Variants in KCMF1 observed in about 807,000 individuals in gnomAD.
KCMF1 encodes the protein potassium channel modulatory factor 1, also known as E3 ubiquitin-protein ligase KCMF1.
A neutral mutation model predicts 41.1 loss-of-function variants in KCMF1; 3 were observed. The observed-to-expected ratio is 0.07, with a 90% CI of 0.03 to 0.19. The LOEUF (loss-of-function observed/expected upper bound fraction) is 0.19, where lower values mean the gene tolerates loss of function less well. Ranked by LOEUF, KCMF1 falls within the 10% of genes least tolerant of loss-of-function variation. The pLI is 1.00. For missense variants in KCMF1, 286 were observed against 488.9 expected (o/e 0.58, Z 3.91); for synonymous variants, 142 against 164.5 (o/e 0.86, Z 1.04).
chr2:85,000,140 TATTG>T (rs1409829769), intron 1 of KCMF1, among the ~76,000 whole-genome samples: 2 of 152,128 alleles, frequency 1.3e-5, no homozygotes, highest in Non-Finnish European at 2.9e-5. Context: ...ACTAAGACGA[TATTG>T]ATTTTTTTTG....
At chr2:84,971,627 G>C (rs1235934007) in intron 1 of KCMF1, among the ~76,000 whole-genome samples, 160 bp downstream of exon 1, 1 of 150,710 alleles carries the variant, frequency 6.6e-6, no homozygotes, top group African/African-American at 2.4e-5. Context: ...AGGGCGGAGA[G>C]CCGCGGCGCC....
chr2:85,003,221 C>G (rs1225390724), intron 1 of KCMF1, among the ~76,000 whole-genome samples: 1 of 152,140 alleles, frequency 6.6e-6, no homozygotes, highest in Non-Finnish European at 1.5e-5. Context: ...CGCCTGTAAT[C>G]CCAGCACTTT....
At chr2:84,974,691 ATTTTTTTT>A (rs869056943) in intron 1 of KCMF1, among the ~76,000 whole-genome samples, 9 of 14,680 alleles carry the variant, frequency 6.1e-4, no homozygotes, top group East Asian at 2.2e-3. Context: ...ATATATATAT[ATTTTTTTT>A]TTTTTTTTTT....
Position 85,038,677 on chromosome 2 carries a change from GGCTTT to G in KCMF1, c.324+3523_324+3527del, listed in dbSNP as rs551014044. Among the ~76,000 whole-genome samples the G allele has an allele frequency of 3.3e-5, 5 of 151,942 alleles. No individual in the cohort carries two copies. In the South Asian group the frequency reaches 1.0e-3, roughly 32 times the overall value. On this transcript the variant is annotated intron_variant, in intron 3 of 6. Transcript: ENST00000409785. ...TATGTGTCAACAGGTTTTGTATGAT[GGCTTT>G]AAATTTAGATGGCTCTTTTTGGGTC...
intron 1 of KCMF1, among the ~76,000 whole-genome samples, chr2:85,009,694 G>C (rs1434868851): frequency 6.6e-6 from 1 of 152,016 alleles, no homozygotes; most frequent in East Asian, 1.9e-4. Context: ...TTCTGGAAAT[G>C]ATATACTTAC....
intron 1 of KCMF1, among the ~76,000 whole-genome samples, chr2:84,997,328 G>C (rs990847489): frequency 6.6e-6 from 1 of 151,846 alleles, no homozygotes; most frequent in African/African-American, 2.4e-5. Flanking sequence ...TAGTGTCTTG[G>C]TTCCCCAAAA....
intron 3 of KCMF1, among the ~76,000 whole-genome samples, chr2:85,037,418 A>G (rs1490263228): frequency 6.6e-6 from 1 of 152,212 alleles, no homozygotes; most frequent in African/African-American, 2.4e-5. Context: ...CAAGTGTAGC[A>G]TGCTGACTAG....
intron 4 of KCMF1, among the ~76,000 whole-genome samples, chr2:85,045,459 G>A (rs1675641301): frequency 6.6e-6 from 1 of 152,014 alleles, no homozygotes; most frequent in Non-Finnish European, 1.5e-5. Flanking sequence ...AAATTAATCT[G>A]CATTATAAAG....
chr2:85,035,085 A>G lies in KCMF1; in HGVS notation c.254A>G (p.Lys85Arg), dbSNP rs1479557286. Residue 85 changes from lysine to arginine, a missense_variant, in exon 3 of 7, where the codon AAA (lysine) becomes AGA (arginine). By Grantham distance (26) the Lys-to-Arg change is conservative. This residue lies in a region of KCMF1 where 95 missense variants were observed against 209.6 expected (regional missense o/e 0.45). Transcript: ENST00000409785. ...PQSFTCPYCG[K>R]MGYTETSLQE... ...TCTTTTACTTGTCCCTATTGTGGAA[A>G]AATGGGCTATACGGAGACATCTCTT... is the stretch of plus-strand genomic sequence containing the variant. 4 of 1,613,470 alleles carry G rather than the reference A, an allele frequency of 2.5e-6. No homozygotes were observed. Among genetic ancestry groups the G allele is most frequent in the Non-Finnish European group, 2.5e-6 (3 of 1,179,558 alleles).
intron 1 of KCMF1, 74 bp from the exon 2 acceptor site, chr2:85,027,815 C>G: frequency 1.1e-6 from 1 of 910,904 alleles, no homozygotes. Context: ...AAATGAGCAC[C>G]TGAAACATTC....
intron 1 of KCMF1, among the ~76,000 whole-genome samples, chr2:84,999,283 T>TG (rs1269981813): frequency 6.6e-6 from 1 of 152,064 alleles, no homozygotes; most frequent in Non-Finnish European, 1.5e-5. Flanking sequence ...CCCAAGTAGC[T>TG]GGGATTACAG....
At position 84,989,038 on chromosome 2, in the gene KCMF1, A is replaced by G. The variant is rs181735292; in HGVS notation, c.16+17571A>G. Among the ~76,000 whole-genome samples the G allele has an allele frequency of 4.0e-4, 61 of 152,312 alleles. 1 individual carries two copies. The highest frequency in any genetic ancestry group is 1.3e-3 in the African/African-American group (52 of 41,576). ...CCTATCATTTAAAAATGTAAAAACC[A>G]TTCTTAGCAGGTTGTACAAAACCAG... On this transcript the variant is annotated intron_variant, in intron 1 of 6. Coordinates refer to ENST00000409785, the MANE Select transcript of KCMF1 (RefSeq NM_020122.5).
chr2:84,996,485 G>T (rs1674179094), intron 1 of KCMF1, among the ~76,000 whole-genome samples: 1 of 145,408 alleles, frequency 6.9e-6, no homozygotes, highest in Non-Finnish European at 1.5e-5. Context: ...ACCCAGGCTG[G>T]AGTGCAGTGG....
At chr2:84,998,301 G>A (rs2103986144) in intron 1 of KCMF1, among the ~76,000 whole-genome samples, 1 of 151,856 alleles carries the variant, frequency 6.6e-6, no homozygotes, top group East Asian at 1.9e-4. Context: ...CACCATGTTA[G>A]CCAGGCTGGT....
chr2:85,050,836 T>A (rs1291253498), intron 6 of KCMF1, among the ~76,000 whole-genome samples: 2 of 152,258 alleles, frequency 1.3e-5, no homozygotes, highest in Non-Finnish European at 2.9e-5. Flanking sequence ...GGTGCATGTG[T>A]ATAGTTATAA....
chr2:85,037,812 G>A (rs945125753), intron 3 of KCMF1, among the ~76,000 whole-genome samples: 5 of 152,118 alleles, frequency 3.3e-5, no homozygotes, highest in Non-Finnish European at 7.3e-5. Context: ...ACTAATACCC[G>A]TCCATGACCT....
At chr2:85,045,023 G>C (rs565317629) in intron 4 of KCMF1, among the ~76,000 whole-genome samples, 1 of 152,280 alleles carries the variant, frequency 6.6e-6, no homozygotes, top group African/African-American at 2.4e-5. Flanking sequence ...AAGGTGGGAG[G>C]ATCACTTGAG....
At chr2:85,007,101 CAA>C (rs764401140) in intron 1 of KCMF1, among the ~76,000 whole-genome samples, 8 of 51,902 alleles carry the variant, frequency 1.5e-4, no homozygotes, top group Non-Finnish European at 2.4e-4. Context: ...AACTCAGTCT[CAA>C]AAAAAAAAAA....
intron 1 of KCMF1, among the ~76,000 whole-genome samples, chr2:84,998,772 T>A (rs1450262662): frequency 6.7e-6 from 1 of 150,190 alleles, no homozygotes; most frequent in African/African-American, 2.5e-5. Context: ...CCAATTAATT[T>A]TTTTTTTTTT....
Sources: gnomAD v4.1 joint callset for allele counts (sites outside exome capture counted in the v4.1 genomes callset) on GRCh38, gnomAD v4.1.1 for gene constraint, gnomAD v4.1.1 regional missense constraint, MANE v1.5 for transcripts, NCBI Gene and HGNC (gene_info 2026-07-23, HGNC 2026-07-21) for gene names.